The following DLGAP2 variants were observed in gnomAD, a reference collection of about 807,000 sequenced individuals.
DLGAP2 encodes disks large-associated protein 2.
A neutral mutation model predicts 100.3 loss-of-function variants in DLGAP2; 26 were observed. That is an observed-to-expected ratio of 0.26 (90% confidence interval 0.19 to 0.36). The LOEUF is 0.36. DLGAP2 is among the 10% of genes least tolerant of loss of function. The pLI is 1.00. For missense variants in DLGAP2, 1,858 were observed against 1,453.2 expected (o/e 1.28, Z -4.53); for synonymous variants, 886 against 630.1 (o/e 1.41, Z -6.08).
intron 2 of DLGAP2, among the ~76,000 whole-genome samples, chr8:1,090,232 G>A (rs1246316508): frequency 3.3e-5 from 4 of 122,530 alleles, no homozygotes; most frequent in African/African-American, 1.3e-4. Flanking sequence ...GGCCAGACAG[G>A]GGTGGAAACT....
chr8:1,535,760 C>G (rs937892261), intron 4 of DLGAP2, among the ~76,000 whole-genome samples: 2 of 152,212 alleles, frequency 1.3e-5, no homozygotes, highest in Non-Finnish European at 2.9e-5. Context: ...TCACATATCT[C>G]CACTTAGGAC....
rs553796232 is a variant in DLGAP2 at position 1,376,599 on chromosome 8, G to T, written c.106+117716G>T. Among the ~76,000 whole-genome samples, 25 of 152,260 alleles carry T rather than the reference G, an allele frequency of 1.6e-4. 1 individual carries two copies. The East Asian group carries it at 4.8e-3, about 30-fold the overall frequency. ...CTGAAGAAGGGGGAGCCGGGTGGCA[G>T]TGGGGAGCCGGGTGACAGGGACGTG... On this transcript the variant is annotated intron_variant, in intron 3 of 14. Transcript: ENST00000637795.
chr8:1,429,520 C>G (rs968193235), intron 3 of DLGAP2, among the ~76,000 whole-genome samples: 2 of 152,100 alleles, frequency 1.3e-5, no homozygotes, highest in Non-Finnish European at 2.9e-5. Context: ...GGTGTGTAAG[C>G]TGAAGATGAC....
At chr8:1,277,647 G>A (rs573078822) in intron 3 of DLGAP2, among the ~76,000 whole-genome samples, 1 of 152,226 alleles carries the variant, frequency 6.6e-6, no homozygotes, top group Admixed American at 6.5e-5. Context: ...GTCAGTATCT[G>A]AGTATCCAAG....
intron 1 of DLGAP2, chr8:753,561 G>A (rs1690276254): frequency 6.6e-6 from 1 of 152,346 alleles, no homozygotes; most frequent in Non-Finnish European, 1.5e-5. Flanking sequence ...GAGGCGCTGA[G>A]AGGGAGGCAC....
chr8:1,227,167 TATATATAG>T (rs1429240996), intron 2 of DLGAP2, among the ~76,000 whole-genome samples: 2 of 138,236 alleles, frequency 1.4e-5, no homozygotes, highest in South Asian at 2.4e-4. Context: ...TATATATATA[TATATATAG>T]TATAGATATA....
intron 2 of DLGAP2, among the ~76,000 whole-genome samples, chr8:1,054,552 A>G (rs1047566672): frequency 5.9e-5 from 9 of 152,162 alleles, no homozygotes; most frequent in Admixed American, 3.3e-4. Context: ...AAATATTTAT[A>G]TTTTCTATGG....
intron 3 of DLGAP2, among the ~76,000 whole-genome samples, chr8:1,434,208 T>C (rs1797550870): frequency 6.6e-6 from 1 of 152,144 alleles, no homozygotes. Context: ...GGTTTCATCT[T>C]GGTAAATGTG....
chr8:1,496,682 G>A (rs1175116385), intron 3 of DLGAP2, among the ~76,000 whole-genome samples: 2 of 152,140 alleles, frequency 1.3e-5, no homozygotes, highest in Non-Finnish European at 2.9e-5. Context: ...AGGGGAGCAG[G>A]ACAGCCATTT....
At chr8:1,300,952 C>T (rs1319203812) in intron 3 of DLGAP2, 4 of 152,304 alleles carry the variant, frequency 2.6e-5, no homozygotes, top group Non-Finnish European at 4.4e-5. Flanking sequence ...CTCCCTGTGG[C>T]TCGGTGTCCA....
intron 3 of DLGAP2, among the ~76,000 whole-genome samples, chr8:1,456,115 A>G (rs1019409399): frequency 2.6e-5 from 4 of 152,136 alleles, no homozygotes; most frequent in Non-Finnish European, 5.9e-5. Flanking sequence ...CTTGACTCCC[A>G]TGTCGCGTTG....
At chr8:750,325 G>A (rs1175103636) in intron 1 of DLGAP2, among the ~76,000 whole-genome samples, 1 of 152,144 alleles carries the variant, frequency 6.6e-6, no homozygotes, top group African/African-American at 2.4e-5. Context: ...GGACGTCACA[G>A]GAAAAGTAAC....
intron 3 of DLGAP2, among the ~76,000 whole-genome samples, chr8:1,442,103 G>C (rs186701348): frequency 1.3e-5 from 2 of 152,348 alleles, no homozygotes; most frequent in Admixed American, 1.3e-4. Context: ...TGTCTCCTCT[G>C]ACCTGGCTAG....
At chr8:1,209,617 G>A (rs115156924) in intron 2 of DLGAP2, among the ~76,000 whole-genome samples, 5 of 152,156 alleles carry the variant, frequency 3.3e-5, no homozygotes, top group Non-Finnish European at 7.3e-5. Flanking sequence ...TGGGGTTTTA[G>A]GGAGGTAATT....
chr8:1,168,137 T>C (rs567317061), intron 2 of DLGAP2, among the ~76,000 whole-genome samples: 1 of 148,256 alleles, frequency 6.7e-6, no homozygotes, highest in Non-Finnish European at 1.5e-5. Context: ...CGGTGTTTGG[T>C]TTTTTGTTCT....
chr8:855,650 A>G (rs1052266432), intron 1 of DLGAP2, among the ~76,000 whole-genome samples: 10 of 152,196 alleles, frequency 6.6e-5, no homozygotes, highest in African/African-American at 1.2e-4. Context: ...GGTTGGGGAA[A>G]GAATGGAAGT....
chr8:1,263,581 A>T (rs994452589), intron 3 of DLGAP2, among the ~76,000 whole-genome samples: 3 of 152,232 alleles, frequency 2.0e-5, no homozygotes, highest in Middle Eastern at 3.4e-3. Context: ...GATATTCAAG[A>T]TTTTCCCCAC....
intron 2 of DLGAP2, among the ~76,000 whole-genome samples, chr8:1,000,612 A>G (rs1800927444): frequency 6.6e-6 from 1 of 152,146 alleles, no homozygotes; most frequent in South Asian, 2.1e-4. Context: ...TTACGGATGC[A>G]TTTTTGTTAT....
At chr8:1,279,576 CAT>C (rs1215815087) in intron 3 of DLGAP2, among the ~76,000 whole-genome samples, 8 of 152,350 alleles carry the variant, frequency 5.3e-5, no homozygotes, top group East Asian at 1.9e-4. Context: ...AAACAACACA[CAT>C]GTGTCATCTC....
Sources: gnomAD v4.1 joint callset for allele counts (sites outside exome capture counted in the v4.1 genomes callset) on GRCh38, gnomAD v4.1.1 for gene constraint, MANE v1.5 for transcripts, NCBI Gene and HGNC (gene_info 2026-07-23, HGNC 2026-07-21) for gene names.